The following INSL6 variants were observed in gnomAD, a reference collection of about 807,000 sequenced individuals.
INSL6 encodes the protein insulin-like peptide INSL6.
INSL6 carries 16 observed loss-of-function variants against 9.4 expected under a neutral mutation model. The ratio of observed to expected loss-of-function variants is 1.70; its 90% confidence interval spans 1.15 to 2.59. INSL6 has a LOEUF of 2.59. Ranked by LOEUF, INSL6 falls within the 30% of genes most tolerant of loss-of-function variation. The pLI is 0.00. For missense variants in INSL6, 391 were observed against 257.3 expected (o/e 1.52, Z -3.56); for synonymous variants, 154 against 96.9 (o/e 1.59, Z -3.46).
At chr9:5,131,377 G>C (rs539260835) in intron 3 of INSL6, among the ~76,000 whole-genome samples, 1 of 149,012 alleles carries the variant, frequency 6.7e-6, no homozygotes, top group Non-Finnish European at 1.5e-5. Flanking sequence ...CAGAATCAAA[G>C]ACTTCATCTT....
At chr9:5,008,184 G>C in the INSL6 span, among the ~76,000 whole-genome samples, 1 of 152,170 alleles carries the variant, frequency 6.6e-6, no homozygotes, top group African/African-American at 2.4e-5. Context: ...TATACATAAA[G>C]TCAATATTAT....
chr9:5,089,376 A>C, the INSL6 span, among the ~76,000 whole-genome samples: 1 of 151,932 alleles, frequency 6.6e-6, no homozygotes, highest in Non-Finnish European at 1.5e-5. Context: ...GTCTCTACTA[A>C]ATATACAAAA....
At chr9:5,111,134 TCA>T in the INSL6 span, 7 of 1,041,322 alleles carry the variant, frequency 6.7e-6, no homozygotes, top group Admixed American at 1.4e-4. Context: ...AGCTGGACGT[TCA>T]GCGAAGGCGC....
the INSL6 span, chr9:5,099,788 T>A: frequency 3.9e-5 from 6 of 152,216 alleles, no homozygotes; most frequent in South Asian, 4.1e-4. Flanking sequence ...CTAATTATCT[T>A]CACTGCCTCA....
At chr9:5,140,508 A>G (rs1328499063) in intron 2 of INSL6, among the ~76,000 whole-genome samples, 1 of 152,022 alleles carries the variant, frequency 6.6e-6, no homozygotes, top group Non-Finnish European at 1.5e-5. Context: ...TAACCTTCTA[A>G]TTAGTCTTCC....
the INSL6 span, among the ~76,000 whole-genome samples, chr9:5,082,709 C>T: frequency 4.6e-5 from 7 of 152,348 alleles, no homozygotes; most frequent in South Asian, 2.1e-4. Context: ...TGCGGCTTTC[C>T]GCAGTGCATT....
intron 2 of INSL6, among the ~76,000 whole-genome samples, chr9:5,151,316 G>C (rs752416969): frequency 4.4e-4 from 67 of 152,086 alleles, no homozygotes; most frequent in Admixed American, 1.5e-3. Flanking sequence ...GGAAAAATCT[G>C]ATATTAGAAT....
At chr9:5,167,920 G>A (rs1240678128) in intron 1 of INSL6, among the ~76,000 whole-genome samples, 4 of 152,178 alleles carry the variant, frequency 2.6e-5, no homozygotes, top group African/African-American at 9.7e-5. Flanking sequence ...ACCTCCTGGG[G>A]TGGAAGAAAC....
chr9:5,156,456 T>C (rs1001313055), intron 2 of INSL6, among the ~76,000 whole-genome samples: 2 of 152,034 alleles, frequency 1.3e-5, no homozygotes, highest in Non-Finnish European at 2.9e-5. Context: ...ATTCCTCAAA[T>C]GATCAGAATA....
In INSL6 at chr9:5,164,141, A is replaced by C. The variant is rs757475664; in HGVS notation, c.414T>G (p.Asn138Lys). 4 of 1,610,256 alleles carry C rather than the reference A, an allele frequency of 2.5e-6. No homozygotes were observed. The African/African-American group carries it at 5.4e-5, about 22-fold the overall frequency. Residue 138 changes from asparagine (N) to lysine (K), a missense_variant, in exon 2 of 2, where the codon AAT (asparagine) becomes AAG (lysine). Transcript: ENST00000381641. ...ATTTTGCATTCTCATGAATATATAC[A>C]TTGATATTATGTGATGAAGAAAATT... is the stretch of plus-strand genomic sequence containing the variant. ...TREFSSSHNI[N>K]VYIHENAKFQ... is the part of the protein sequence containing the mutation.
the INSL6 span, chr9:5,064,777 A>T: frequency 1.3e-6 from 1 of 767,988 alleles, no homozygotes; most frequent in African/African-American, 1.8e-5. Context: ...AGATATGAGC[A>T]ATTTAGAAGA....
At chr9:5,085,326 C>G in the INSL6 span, 1 of 804,484 alleles carries the variant, frequency 1.2e-6, no homozygotes, top group Admixed American at 1.7e-5. Context: ...CATCTATTAG[C>G]TGAAAAGCTA....
chr9:5,138,332 CAAA>C (rs1824425519), intron 2 of INSL6, among the ~76,000 whole-genome samples: 1 of 152,166 alleles, frequency 6.6e-6, no homozygotes, highest in South Asian at 2.1e-4. Context: ...GGAACCAACC[CAAA>C]TGCCCATCAG....
At chr9:5,097,000 C>T in the INSL6 span, 1 of 152,092 alleles carries the variant, frequency 6.6e-6, no homozygotes, top group Admixed American at 6.6e-5. Context: ...TTTCCTACTC[C>T]TACTTGCATC....
intron 2 of INSL6, among the ~76,000 whole-genome samples, chr9:5,155,613 T>C (rs7023151): frequency 1.3e-5 from 2 of 151,382 alleles, no homozygotes; most frequent in Non-Finnish European, 2.9e-5. Context: ...GTTCAAGTCC[T>C]TTGCAGGGAC....
the INSL6 span, among the ~76,000 whole-genome samples, chr9:5,072,811 A>G: frequency 6.6e-6 from 1 of 152,196 alleles, no homozygotes; most frequent in East Asian, 1.9e-4. Flanking sequence ...CCGGATTAAA[A>G]AAATTAATTC....
the INSL6 span, chr9:5,064,977 G>C: frequency 6.2e-7 from 1 of 1,610,274 alleles, no homozygotes; most frequent in African/African-American, 1.3e-5. Flanking sequence ...CATTACCTCT[G>C]TAAAGAAGTA....
chr9:5,083,210 A>G, the INSL6 span, among the ~76,000 whole-genome samples: 1 of 152,088 alleles, frequency 6.6e-6, no homozygotes, highest in Non-Finnish European at 1.5e-5. Context: ...GGGAGAATTA[A>G]TCTTATTGCT....
At chr9:4,997,723 A>G in the INSL6 span, among the ~76,000 whole-genome samples, 1 of 152,202 alleles carries the variant, frequency 6.6e-6, no homozygotes, top group Non-Finnish European at 1.5e-5. Flanking sequence ...TTTGATATGG[A>G]AAGATTCATT....
Sources: gnomAD v4.1 joint callset for allele counts (sites outside exome capture counted in the v4.1 genomes callset) on GRCh38, gnomAD v4.1.1 for gene constraint, MANE v1.5 for transcripts, NCBI Gene and HGNC (gene_info 2026-07-23, HGNC 2026-07-21) for gene names.